The following GLRA1 variants were observed in gnomAD, a reference collection of about 807,000 sequenced individuals.
The protein encoded by GLRA1 is glycine receptor subunit alpha-1.
Under a neutral mutation model 48.3 loss-of-function variants are expected in GLRA1, and 37 were observed. The observed-to-expected ratio is 0.77, with a 90% CI of 0.59 to 1.01. The LOEUF (loss-of-function observed/expected upper bound fraction) is 1.01. GLRA1 is among the 50% of genes least tolerant of loss of function. The pLI is 0.00. For synonymous variants in GLRA1, 196 were observed against 210.7 expected (o/e 0.93, Z 0.60); for missense variants, 427 against 571.0 (o/e 0.75, Z 2.57).
At chr5:151,886,846 A>G in intron 2 of GLRA1, 58 bp from the exon 3 acceptor site, 1 of 1,240,034 alleles carries the variant, frequency 8.1e-7, no homozygotes, top group Admixed American at 1.7e-5. Context: ...CCCACAGGGT[A>G]GGACTCATTC....
chr5:151,915,610 A>C (rs1459048138), intron 1 of GLRA1, among the ~76,000 whole-genome samples: 1 of 152,146 alleles, frequency 6.6e-6, no homozygotes, highest in African/African-American at 2.4e-5. Flanking sequence ...AGACATGTTA[A>C]TATGTGAACA....
chr5:151,887,572 A>G (rs150009348), intron 2 of GLRA1, among the ~76,000 whole-genome samples: 1 of 152,314 alleles, frequency 6.6e-6, no homozygotes, highest in Non-Finnish European at 1.5e-5. Flanking sequence ...GAGAAAACAG[A>G]GGCTCAGAGA....
rs530085944 is a variant in GLRA1 at position 151,831,310 on chromosome 5, C to T, written c.913-2243G>A. Among the ~76,000 whole-genome samples, 6 of 152,306 alleles carry T rather than the reference C, an allele frequency of 3.9e-5. No individual in the cohort carries two copies. The East Asian group carries it at 1.2e-3, about 29-fold the overall frequency. ...CCCCAGCAAGACAGAACCATTCACT[C>T]CCCTGGAAAGGGGGCTGAAGCCAGG... On this transcript the variant is annotated intron_variant, in intron 7 of 8. Coordinates refer to ENST00000274576, the MANE Select transcript of GLRA1 (RefSeq NM_000171.4).
rs534318288 is a variant in GLRA1 at position 151,882,080 on chromosome 5, A to G, written c.252+4641T>C. Among the ~76,000 whole-genome samples the G allele has an allele frequency of 2.0e-5, 3 of 152,114 alleles. No individual in the cohort carries two copies. The South Asian group carries it at 6.2e-4, about 32-fold the overall frequency. ...GTGTGTGTGTCCATGGGCAAGTGCA[A>G]TCCTCTCTCTGGCCTCCAGTTTCTA... On this transcript the variant is annotated intron_variant, in intron 3 of 8. Coordinates refer to ENST00000274576, the MANE Select transcript of GLRA1 (RefSeq NM_000171.4).
At chr5:151,849,460 C>CTTTCCTTTCCTTTCCTTTCCT (rs199535578) in intron 7 of GLRA1, among the ~76,000 whole-genome samples, 3 of 49,876 alleles carry the variant, frequency 6.0e-5, no homozygotes, top group Admixed American at 2.4e-4. Context: ...CCTTTCCTTC[C>CTTTCCTTTCCTTTCCTTTCCT]TTCCTTCCTT....
intron 1 of GLRA1, among the ~76,000 whole-genome samples, chr5:151,915,843 G>A (rs1316083339): frequency 1.3e-5 from 2 of 152,094 alleles, no homozygotes; most frequent in Admixed American, 6.5e-5. Flanking sequence ...AAGAGGTAAT[G>A]TATGCAGACA....
intron 1 of GLRA1, among the ~76,000 whole-genome samples, chr5:151,915,450 G>T (rs1255660327): frequency 1.3e-5 from 2 of 152,044 alleles, no homozygotes; most frequent in African/African-American, 4.8e-5. Flanking sequence ...AATTATTGCA[G>T]CACTGATTGC....
chr5:151,845,853 A>G (rs1384344332), intron 7 of GLRA1, among the ~76,000 whole-genome samples: 2 of 152,256 alleles, frequency 1.3e-5, no homozygotes, highest in Non-Finnish European at 2.9e-5. Context: ...TGATATATCT[A>G]TACCATGGAA....
At chr5:151,866,472 A>C (rs1472962415) in intron 3 of GLRA1, among the ~76,000 whole-genome samples, 6 of 152,180 alleles carry the variant, frequency 3.9e-5, no homozygotes, top group Admixed American at 6.5e-5. Flanking sequence ...GTAGGATAGA[A>C]CTAAGAGCTT....
At chr5:151,825,985 C>T (rs1763261847) in intron 8 of GLRA1, among the ~76,000 whole-genome samples, 2 of 152,316 alleles carry the variant, frequency 1.3e-5, no homozygotes, top group Middle Eastern at 3.4e-3. Context: ...GAGCTCACTT[C>T]TGCATCATTG....
intron 1 of GLRA1, among the ~76,000 whole-genome samples, chr5:151,893,482 T>C (rs995687488): frequency 1.3e-5 from 2 of 152,036 alleles, no homozygotes; most frequent in African/African-American, 4.8e-5. Flanking sequence ...TTGCATTAGA[T>C]ATTTGTCCTA....
intron 8 of GLRA1, among the ~76,000 whole-genome samples, chr5:151,826,699 A>C (rs1763278542): frequency 6.6e-6 from 1 of 152,192 alleles, no homozygotes. Context: ...GGCCAGAGAT[A>C]GTGTTTGTTT....
intron 3 of GLRA1, among the ~76,000 whole-genome samples, chr5:151,867,235 G>A (rs1210886989): frequency 1.3e-5 from 2 of 152,184 alleles, no homozygotes; most frequent in Non-Finnish European, 2.9e-5. Flanking sequence ...ATTTGAGGTG[G>A]CCCCTTTCAG....
chr5:151,912,458 G>A (rs1396019876), intron 1 of GLRA1, among the ~76,000 whole-genome samples: 4 of 152,132 alleles, frequency 2.6e-5, no homozygotes, highest in Admixed American at 2.6e-4. Flanking sequence ...GTTTTGAGAG[G>A]CCCAGAGTTT....
intron 7 of GLRA1, among the ~76,000 whole-genome samples, chr5:151,840,310 G>A (rs1157386902): frequency 1.3e-5 from 2 of 152,000 alleles, no homozygotes; most frequent in Non-Finnish European, 2.9e-5. Flanking sequence ...TGTTGCTCAG[G>A]CTGGTCTTGG....
intron 7 of GLRA1, among the ~76,000 whole-genome samples, chr5:151,829,554 C>A (rs1224271667): frequency 6.6e-6 from 1 of 152,214 alleles, no homozygotes; most frequent in Non-Finnish European, 1.5e-5. Context: ...TCAAGAAAAT[C>A]AGCTGAATCT....
At chr5:151,833,510 G>T (rs553094457) in intron 7 of GLRA1, among the ~76,000 whole-genome samples, 1 of 152,006 alleles carries the variant, frequency 6.6e-6, no homozygotes, top group Non-Finnish European at 1.5e-5. Flanking sequence ...GCCCCCCAGG[G>T]TGGAGTGCAA....
intron 7 of GLRA1, among the ~76,000 whole-genome samples, chr5:151,848,324 A>G (rs1049790007): frequency 8.5e-5 from 13 of 152,094 alleles, no homozygotes; most frequent in African/African-American, 3.1e-4. Context: ...CAGTTAAAAC[A>G]TGGCACGCTG....
chr5:151,884,566 A>ATT (rs1753849768), intron 3 of GLRA1, among the ~76,000 whole-genome samples: 1 of 152,228 alleles, frequency 6.6e-6, no homozygotes, highest in Non-Finnish European at 1.5e-5. Flanking sequence ...GAAGCAAATA[A>ATT]GCTCCTCGTA....
Sources: allele counts gnomAD v4.1 joint callset (sites outside exome capture counted in the v4.1 genomes callset), GRCh38; gene constraint gnomAD v4.1.1; transcripts MANE v1.5; gene names NCBI Gene and HGNC (gene_info 2026-07-23, HGNC 2026-07-21).